Variants in TGFBRAP1 observed in about 807,000 individuals in gnomAD.
TGFBRAP1 encodes the protein transforming growth factor beta receptor associated protein 1, also known as transforming growth factor-beta receptor-associated protein 1.
TGFBRAP1 carries 20 observed loss-of-function variants against 83.2 expected under a neutral mutation model. That is an observed-to-expected ratio of 0.24 (90% CI 0.17 to 0.35). TGFBRAP1 has a LOEUF of 0.35. Among genes scored for constraint, TGFBRAP1 ranks in the 10% least tolerant of loss-of-function variants. The pLI is 1.00. For synonymous variants in TGFBRAP1, 415 were observed against 459.8 expected (o/e 0.90, Z 1.25); for missense variants, 950 against 1,099.4 (o/e 0.86, Z 1.92).
At chr2:105,284,203 G>T in intron 5 of TGFBRAP1, 113 bp downstream of exon 5, 1 of 999,332 alleles carries the variant, frequency 1.0e-6, no homozygotes, top group Non-Finnish European at 1.6e-6. Flanking sequence ...GTATCCACCT[G>T]AAGCACAATC....
chr2:105,280,744 T>G, intron 5 of TGFBRAP1, 21 bp from the exon 6 acceptor site: 1 of 1,597,948 alleles, frequency 6.3e-7, no homozygotes, highest in African/African-American at 1.3e-5. Context: ...AGTGTCAAAC[T>G]AAATGAAGCA....
At chr2:105,285,364 C>T (rs1677680888) in intron 4 of TGFBRAP1, among the ~76,000 whole-genome samples, 1 of 152,212 alleles carries the variant, frequency 6.6e-6, no homozygotes, top group South Asian at 2.1e-4. Context: ...CTCTCTGATC[C>T]ATTTGTATGA....
intron 6 of TGFBRAP1, among the ~76,000 whole-genome samples, chr2:105,278,827 C>A (rs527773517): frequency 6.6e-6 from 1 of 152,164 alleles, no homozygotes; most frequent in East Asian, 1.9e-4. Flanking sequence ...CTCTACGGAT[C>A]CCACCATCCC....
rs146011729 is a variant in TGFBRAP1 at position 105,284,296 on chromosome 2, C to CT, written c.1121+19dup. The CT allele has an allele frequency of 1.1e-4, 177 of 1,612,358 alleles. 2 individuals carry two copies. The African/African-American group carries it at 2.1e-3, about 19-fold the overall frequency. ...GAGGGACACTGTAGTGGCAGTCTTGCTACCAGCACCTCAAATTACCTGAAG... is the reference window on the plus strand; with the variant it reads ...GAGGGACACTGTAGTGGCAGTCTTGCTTACCAGCACCTCAAATTACCTGAAG... On this transcript the variant is annotated intron_variant, in intron 5 of 11. Transcript: ENST00000393359.
chr2:105,298,670 C>T lies in TGFBRAP1; in HGVS notation c.724G>A (p.Ala242Thr), dbSNP rs560629083. Residue 242 changes from alanine (A) to threonine (T), a missense_variant, in exon 3 of 12, where the codon GCC (alanine) becomes ACC (threonine). Ala to Thr is a moderately conservative substitution (Grantham distance 58). Transcript: ENST00000393359. Reference protein sequence around the residue: ...FATVAGISQRAPVHWSENVIG... With the variant: ...FATVAGISQRTPVHWSENVIG... ...ACATTCTCCGACCAGTGCACGGGGG[C>T]GCGCTGGGATATCCCTGCGACTGTG... is the stretch of plus-strand genomic sequence containing the variant. The T allele has an allele frequency of 1.1e-5, 18 of 1,599,372 alleles. No homozygotes were observed. The highest frequency in any genetic ancestry group is 3.4e-5 in the South Asian group (3 of 89,460).
downstream of TGFBRAP1, among the ~76,000 whole-genome samples, chr2:105,262,261 C>T (rs747750109): frequency 1.3e-5 from 2 of 152,142 alleles, no homozygotes; most frequent in Non-Finnish European, 1.5e-5. Flanking sequence ...TATTGGAACC[C>T]GGGGACGAAT....
chr2:105,309,324 G>C (rs915946406), intron 1 of TGFBRAP1, among the ~76,000 whole-genome samples: 7 of 152,222 alleles, frequency 4.6e-5, no homozygotes, highest in African/African-American at 1.7e-4. Flanking sequence ...AGCTGGCTGG[G>C]CTTGCGTCAG....
intron 1 of TGFBRAP1, among the ~76,000 whole-genome samples, chr2:105,316,462 T>TGTGTGTGTGTGTGTGTGTGTGC (rs1177329674): frequency 1.2e-5 from 1 of 84,816 alleles, no homozygotes; most frequent in African/African-American, 5.4e-5. Context: ...TGTGTGTGTG[T>TGTGTGTGTGTGTGTGTGTGTGC]GCGCGCGCGC....
rs199640334 is a variant in TGFBRAP1, at chr2:105,269,292, A to C, written c.2386T>G (p.Leu796Val). 1.9e-6 allele frequency: 3 copies of C among 1,606,412 alleles called. No homozygotes were observed. The Admixed American group carries it at 5.0e-5, about 27-fold the overall frequency. ...VALGLARSEN[L>V]IYTYDKMKLK... ...CTTACCTTATCGTAGGTGTAGATTA[A>C]GTTTTCGGACCTGGCCAGGCCGAGA... Residue 796 changes from leucine to valine, a missense_variant, in exon 11 of 12, where the codon TTA becomes GTA. Transcript: ENST00000393359. This position sits in a 1 kb window ranked among gnomAD's most constrained non-coding sequence, Gnocchi z 4.1.
At chr2:105,280,338 T>C in intron 6 of TGFBRAP1, 44 bp downstream of exon 6, 1 of 1,572,612 alleles carries the variant, frequency 6.4e-7, no homozygotes, top group Non-Finnish European at 8.7e-7. Context: ...TCAGTAAGGG[T>C]GCAGGGCGGG....
intron 1 of TGFBRAP1, among the ~76,000 whole-genome samples, chr2:105,310,048 A>G (rs1198334515): frequency 1.3e-5 from 2 of 152,066 alleles, no homozygotes; most frequent in African/African-American, 4.8e-5. Flanking sequence ...TAAGCAATAC[A>G]TTTCTATTAT....
At chr2:105,287,528 C>G (rs931638716) in intron 4 of TGFBRAP1, among the ~76,000 whole-genome samples, 1 of 152,036 alleles carries the variant, frequency 6.6e-6, no homozygotes, top group Non-Finnish European at 1.5e-5. Context: ...AGTGCAGGCT[C>G]TGCTTGTCAT....
chr2:105,302,704 C>T (rs1390445853), intron 2 of TGFBRAP1, among the ~76,000 whole-genome samples: 1 of 152,154 alleles, frequency 6.6e-6, no homozygotes, highest in Non-Finnish European at 1.5e-5. Context: ...GAGCTTAGAC[C>T]TCTTTGACGA....
intron 3 of TGFBRAP1, among the ~76,000 whole-genome samples, chr2:105,296,942 T>C (rs980272773): frequency 3.9e-5 from 6 of 152,030 alleles, no homozygotes; most frequent in African/African-American, 1.4e-4. Flanking sequence ...AATTAAAATT[T>C]TAATGTGATA....
chr2:105,288,005 G>A (rs1677774760), intron 4 of TGFBRAP1, among the ~76,000 whole-genome samples: 2 of 152,080 alleles, frequency 1.3e-5, no homozygotes, highest in African/African-American at 4.8e-5. Flanking sequence ...TAGGCCAAAT[G>A]TGATACAAAA....
At chr2:105,317,413 G>A (rs1199568035) in intron 1 of TGFBRAP1, among the ~76,000 whole-genome samples, 7 of 150,572 alleles carry the variant, frequency 4.6e-5, no homozygotes, top group African/African-American at 1.7e-4. Context: ...CTCCAGCCTG[G>A]CGACAGAGTG....
chr2:105,261,621 A>G (rs1053911070), downstream of TGFBRAP1, among the ~76,000 whole-genome samples: 1 of 152,094 alleles, frequency 6.6e-6, no homozygotes, highest in African/African-American at 2.4e-5. Flanking sequence ...GCATGATGGC[A>G]TGTACCAGTA....
rs1426748581 is a variant in TGFBRAP1, at chr2:105,269,412, T to C, written c.2266A>G (p.Met756Val). Residue 756 changes from methionine to valine, a missense_variant, in exon 11 of 12, where the codon ATG becomes GTG. Transcript: ENST00000393359. This position sits in a 1 kb window ranked among gnomAD's most constrained non-coding sequence, Gnocchi z 4.1. Reference sequence around the variant, plus strand: ...TGCACTGACCAGGTGTCAGGCAGCATCTGCAGCACCTGGGCTGCATCAAAT... The same window carrying C: ...TGCACTGACCAGGTGTCAGGCAGCACCTGCAGCACCTGGGCTGCATCAAAT... Reference protein sequence around the residue: ...TEFDAAQVLQMLPDTWSVQLL... With the variant: ...TEFDAAQVLQVLPDTWSVQLL... The C allele has an allele frequency of 1.2e-6, 2 of 1,613,892 alleles. No individual in the cohort carries two copies.
At chr2:105,254,417 A>T in the TGFBRAP1 span, among the ~76,000 whole-genome samples, 3 of 152,188 alleles carry the variant, frequency 2.0e-5, no homozygotes, top group Non-Finnish European at 4.4e-5. Flanking sequence ...TTTTTGACTT[A>T]GGAGGCATTA....
Sources: allele counts gnomAD v4.1 joint callset (sites outside exome capture counted in the v4.1 genomes callset), GRCh38; gene constraint gnomAD v4.1.1; non-coding constraint Gnocchi (gnomAD v3.1); transcripts MANE v1.5; gene names NCBI Gene and HGNC (gene_info 2026-07-23, HGNC 2026-07-21).